Variants in GALK2 observed in about 807,000 individuals in gnomAD.
GALK2 encodes N-acetylgalactosamine kinase.
In GALK2, 36 loss-of-function variants were observed where a neutral mutation model predicts 52.4. The observed-to-expected ratio is 0.69, with a 90% CI of 0.53 to 0.91. The LOEUF (loss-of-function observed/expected upper bound fraction) is 0.91. Among genes scored for constraint, GALK2 ranks in the 40% least tolerant of loss-of-function variants. GALK2 has a pLI of 0.00. For missense variants in GALK2, 579 were observed against 559.1 expected (o/e 1.04, Z -0.36); for synonymous variants, 176 against 199.1 (o/e 0.88, Z 0.98).
chr15:49,201,720 G>T (rs564752705), intron 2 of GALK2, among the ~76,000 whole-genome samples: 34 of 152,174 alleles, frequency 2.2e-4, no homozygotes, highest in African/African-American at 8.2e-4. Context: ...CCTTTTAGTG[G>T]TAAATAACAC....
In GALK2 at chr15:49,178,220, T is replaced by G. The variant is rs1316605401; in HGVS notation, c.53+7845T>G. Among the ~76,000 whole-genome samples, 674 of 116,540 alleles carry G rather than the reference T, an allele frequency of 5.8e-3. 16 individuals are homozygous for G. Among genetic ancestry groups the G allele is most frequent in the African/African-American group, 0.02 (633 of 31,256 alleles). The allele number at this position is 116,540 out of a possible 152,430, so 76.5% of individuals were successfully genotyped here. ...CTATATATATATATATATATATATA[T>G]ATATATAGAAATAAAATGTATAAAT... On this transcript the variant is annotated intron_variant, in intron 1 of 9. Transcript: ENST00000560031.
At chr15:49,324,476 TG>T (rs2037169127) in intron 9 of GALK2, among the ~76,000 whole-genome samples, 1 of 151,628 alleles carries the variant, frequency 6.6e-6, no homozygotes, top group African/African-American at 2.4e-5. Context: ...CTTTGACTTA[TG>T]AATATACATG....
intron 8 of GALK2, among the ~76,000 whole-genome samples, chr15:49,303,080 A>G (rs376178751): frequency 2.0e-5 from 3 of 151,938 alleles, no homozygotes; most frequent in South Asian, 4.2e-4. Flanking sequence ...ATCAGCTTCT[A>G]TTGACTTCTC....
intron 1 of GALK2, among the ~76,000 whole-genome samples, chr15:49,174,871 A>G (rs2085336560): frequency 6.6e-6 from 1 of 152,234 alleles, no homozygotes; most frequent in Non-Finnish European, 1.5e-5. Context: ...CCAAATGACC[A>G]CCAGAATGGT....
chr15:49,203,942 TC>T (rs2088020064), intron 2 of GALK2, among the ~76,000 whole-genome samples: 1 of 151,896 alleles, frequency 6.6e-6, no homozygotes, highest in South Asian at 2.1e-4. Context: ...TCATGAAACC[TC>T]GTCTCTGCTA....
rs771303406 is a variant in GALK2 at position 49,328,631 on chromosome 15, C to A, written c.*472C>A. The A allele has an allele frequency of 1.9e-6, 3 of 1,581,042 alleles. No individual in the cohort carries two copies. In the South Asian group the frequency reaches 3.4e-5, roughly 18 times the overall value. Reference sequence around the variant, plus strand: ...ATGATGGTGATGATGATGATGATGACGATAGTGATGCCACACATTCTCTCT... The same window carrying A: ...ATGATGGTGATGATGATGATGATGAAGATAGTGATGCCACACATTCTCTCT... On this transcript the variant is annotated 3_prime_UTR_variant, in exon 10 of 10. Coordinates refer to ENST00000560031, the MANE Select transcript of GALK2 (RefSeq NM_002044.4).
At chr15:49,210,514 A>G (rs534193970) in intron 2 of GALK2, among the ~76,000 whole-genome samples, 1 of 152,096 alleles carries the variant, frequency 6.6e-6, no homozygotes, top group South Asian at 2.1e-4. Context: ...ATCTCAGCTC[A>G]CTGCAATGTC....
intron 3 of GALK2, among the ~76,000 whole-genome samples, chr15:49,218,356 G>A (rs1318220686): frequency 6.6e-6 from 1 of 151,962 alleles, no homozygotes; most frequent in South Asian, 2.1e-4. Context: ...TTTAAAAATC[G>A]GTGCATAGTA....
chr15:49,194,799 C>T (rs575278557), intron 1 of GALK2, among the ~76,000 whole-genome samples: 10 of 151,592 alleles, frequency 6.6e-5, no homozygotes, highest in Non-Finnish European at 1.2e-4. Flanking sequence ...TTCTCCATGT[C>T]GGTCAGGCTG....
chr15:49,338,274 T>C lies in GALK2; in HGVS notation c.426+18469T>C, dbSNP rs140001377. On this transcript the variant is annotated intron_variant, in intron 3 of 3. Transcript: ENST00000558399. ...TTTTTGCAGTGCCTGGTACCGGTTG[T>C]TCCTTTCCATGTTTAGTGCTTCTTT... Among the ~76,000 whole-genome samples the C allele has an allele frequency of 2.6e-4, 40 of 152,348 alleles. No individual in the cohort carries two copies. In the East Asian group the frequency reaches 7.7e-3, roughly 29 times the overall value.
chr15:49,363,364 T>C (rs1426347845), intron 3 of GALK2, among the ~76,000 whole-genome samples: 1 of 152,174 alleles, frequency 6.6e-6, no homozygotes, highest in Non-Finnish European at 1.5e-5. Context: ...TATTCCTAGG[T>C]ATTTTATTCT....
chr15:49,160,231 C>T (rs2084603573), intron 1 of GALK2, among the ~76,000 whole-genome samples: 1 of 151,704 alleles, frequency 6.6e-6, no homozygotes, highest in South Asian at 2.1e-4. Context: ...GCCAAGATTG[C>T]GCCACTGTAC....
At chr15:49,228,659 TGA>T in intron 3 of GALK2, among the ~76,000 whole-genome samples, 1 of 65,342 alleles carries the variant, frequency 1.5e-5, no homozygotes, top group African/African-American at 7.8e-5. Flanking sequence ...TGTCTTTCAC[TGA>T]TATATATATA....
chr15:49,362,334 A>C (rs1394591504), intron 3 of GALK2, among the ~76,000 whole-genome samples: 1 of 152,116 alleles, frequency 6.6e-6, no homozygotes, highest in Non-Finnish European at 1.5e-5. Context: ...CACGTGAAGA[A>C]GGTTCTTGCT....
intron 9 of GALK2, among the ~76,000 whole-genome samples, chr15:49,323,562 A>C (rs1343822413): frequency 6.6e-6 from 1 of 152,214 alleles, no homozygotes. Flanking sequence ...AAGACAACTA[A>C]TTGAGTGAGT....
At chr15:49,207,769 G>T (rs1246221764) in intron 2 of GALK2, among the ~76,000 whole-genome samples, 1 of 151,928 alleles carries the variant, frequency 6.6e-6, no homozygotes, top group African/African-American at 2.4e-5. Context: ...CTTGCTAATG[G>T]TCTATCAATT....
chr15:49,168,932 A>G (rs1308474333), upstream of GALK2: 1 of 153,914 alleles, frequency 6.5e-6, no homozygotes, highest in Non-Finnish European at 1.5e-5. Flanking sequence ...TTTGAAAATG[A>G]TAAAGAGGGA....
chr15:49,354,908 GCCT>G (rs1371454159), intron 3 of GALK2, among the ~76,000 whole-genome samples: 1 of 152,022 alleles, frequency 6.6e-6, no homozygotes, highest in African/African-American at 2.4e-5. Flanking sequence ...CGGGCAGACT[GCCT>G]CCTCAAGTGG....
intron 3 of GALK2, among the ~76,000 whole-genome samples, chr15:49,366,843 G>T (rs972746206): frequency 6.6e-6 from 1 of 152,154 alleles, no homozygotes; most frequent in African/African-American, 2.4e-5. Context: ...CTCTAATTTA[G>T]TGGCTAGTGT....
Sources: allele counts gnomAD v4.1 joint callset (sites outside exome capture counted in the v4.1 genomes callset), GRCh38; gene constraint gnomAD v4.1.1; transcripts MANE v1.5; gene names NCBI Gene and HGNC (gene_info 2026-07-23, HGNC 2026-07-21).